CD68: variants seen among roughly 807,000 people sequenced by gnomAD.
CD68 encodes CD68 molecule.
In CD68, 24 loss-of-function variants were observed where a neutral mutation model predicts 31.3. That is an observed-to-expected ratio of 0.77 (90% confidence interval 0.55 to 1.08). The LOEUF is 1.08. CD68 is among the 50% of genes least tolerant of loss of function. The pLI is 0.00. For synonymous variants in CD68, 190 were observed against 179.6 expected (o/e 1.06, Z -0.46); for missense variants, 461 against 442.5 (o/e 1.04, Z -0.38).
At position 7,580,082 on chromosome 17, in the gene CD68, A is replaced by C; in HGVS notation, c.322A>C (p.Thr108Pro). The C allele has an allele frequency of 6.2e-7, 1 of 1,613,856 alleles. No homozygotes were observed. The highest frequency in any genetic ancestry group is 8.5e-7 in the Non-Finnish European group (1 of 1,179,918). ...TATSQGPSTATHSPATTSHGN... is the reference protein window; with the variant it reads ...TATSQGPSTAPHSPATTSHGN... ...CACCAGCCAGGGACCCTCAACTGCC[A>C]CTCACAGTCCTGCCACCACTAGTCA... Residue 108 changes from threonine to proline, a missense_variant, in exon 2 of 6, where the codon ACT becomes CCT. By Grantham distance (38) the Thr-to-Pro change is conservative (BLOSUM62 -1). Transcript: ENST00000250092. The surrounding 1 kb of genome is among the most constrained non-coding windows in gnomAD (Gnocchi z 4.3).
chr17:7,581,562 G>GC lies in CD68; in HGVS notation c.*51_*52insC, dbSNP rs750900821. 6.3e-7 allele frequency: 1 copy of GC among 1,590,946 alleles called. No individual in the cohort carries two copies. Among genetic ancestry groups the GC allele is most frequent in the South Asian group, 1.1e-5 (1 of 90,612 alleles). ...TGAGGGGGTTGGGGTGTGGTGGGGG[G>GC]GTACCCTTATTTCCTCGACACGCAA... is the stretch of plus-strand genomic sequence containing the variant. On this transcript the variant is annotated 3_prime_UTR_variant, in exon 6 of 6. Coordinates refer to ENST00000250092, the MANE Select transcript of CD68 (RefSeq NM_001251.3).
chr17:7,581,216 C>G (rs2071480653), intron 5 of CD68, 150 bp downstream of exon 5: 1 of 1,145,022 alleles, frequency 8.7e-7, no homozygotes, highest in African/African-American at 1.5e-5. Context: ...TCTTTCCATC[C>G]TCTACAAGAC....
In CD68 at chr17:7,580,114, T is replaced by C; in HGVS notation, c.354T>C (p.Asn118=). The C allele has an allele frequency of 3.1e-6, 5 of 1,613,988 alleles. No homozygotes were observed. The highest frequency in any genetic ancestry group is 4.2e-6 in the Non-Finnish European group (5 of 1,180,002). ...THSPATTSHG[N]ATVHPTSNST... is the part of the protein sequence containing the mutation. Reference sequence around the variant, plus strand: ...GTCCTGCCACCACTAGTCATGGAAATGCCACGGTTCATCCAACAAGCAACA... The same window carrying C: ...GTCCTGCCACCACTAGTCATGGAAACGCCACGGTTCATCCAACAAGCAACA... The change falls in exon 2 of 6, where the codon AAT becomes AAC. Residue 118 remains asparagine, a synonymous_variant. Transcript: ENST00000250092. The surrounding 1 kb of genome is among the most constrained non-coding windows in gnomAD (Gnocchi z 4.3).
rs758990817 is a variant in CD68, at chr17:7,581,495, C to A, written c.1049C>A (p.Ala350Asp). The change falls in exon 6 of 6, where the codon GCC (alanine) becomes GAC (aspartate). Residue 350 changes from alanine to aspartate, a missense_variant. Coordinates refer to ENST00000250092, the MANE Select transcript of CD68 (RefSeq NM_001251.3). ...TGCATCATCCGGAGACGCCCATCCGCCTACCAGGCCCTCTGAGCATTTGCT... is the reference window on the plus strand; with the variant it reads ...TGCATCATCCGGAGACGCCCATCCGACTACCAGGCCCTCTGAGCATTTGCT... ...AFCIIRRRPS[A>D]YQAL The A allele has an allele frequency of 6.2e-7, 1 of 1,614,186 alleles. No individual in the cohort carries two copies. The highest frequency in any genetic ancestry group is 2.2e-5 in the East Asian group (1 of 44,876).
In CD68 at chr17:7,581,602, A is replaced by G; in HGVS notation, c.*91A>G. The G allele has an allele frequency of 1.5e-6, 2 of 1,360,570 alleles. No individual in the cohort carries two copies. Among genetic ancestry groups the G allele is most frequent in the Middle Eastern group, 1.8e-4 (1 of 5,446 alleles). 84.3% of individuals were successfully genotyped at this position (1,360,570 alleles called of 1,614,324 possible). A position where few individuals can be genotyped will look rare whatever the true frequency, so the allele number is the denominator to read the frequency against. ...TCGACACGCAACTGGCTCAAAGACA[A>G]TGTTATTTTCCTTCCCTTTCTTGAA... is the stretch of plus-strand genomic sequence containing the variant. On this transcript the variant is annotated 3_prime_UTR_variant, in exon 6 of 6. Coordinates refer to ENST00000250092, the MANE Select transcript of CD68 (RefSeq NM_001251.3).
At position 7,581,611 on chromosome 17, in the gene CD68, T is replaced by C. The variant is rs1300787312; in HGVS notation, c.*100T>C. 7.7e-7 allele frequency: 1 copy of C among 1,291,904 alleles called. No individual in the cohort carries two copies. Among genetic ancestry groups the C allele is most frequent in the Non-Finnish European group, 1.1e-6 (1 of 915,364 alleles). 80.0% of individuals were successfully genotyped at this position (1,291,904 alleles called of 1,614,324 possible). A position where few individuals can be genotyped will look rare whatever the true frequency, so the allele number is the denominator to read the frequency against. On this transcript the variant is annotated 3_prime_UTR_variant, in exon 6 of 6. Transcript: ENST00000250092. ...AACTGGCTCAAAGACAATGTTATTT[T>C]CCTTCCCTTTCTTGAAGAACAAAAA...
chr17:7,580,699 T>G lies in CD68; in HGVS notation c.688-12T>G, dbSNP rs202081253. The G allele has an allele frequency of 7.8e-5, 126 of 1,614,010 alleles. No individual in the cohort carries two copies. The highest frequency in any genetic ancestry group is 4.9e-4 in the Middle Eastern group (3 of 6,062). On this transcript the variant is annotated splice_polypyrimidine_tract_variant and intron_variant, in intron 3 of 5. Coordinates refer to ENST00000250092, the MANE Select transcript of CD68 (RefSeq NM_001251.3). The surrounding 1 kb of genome is among the most constrained non-coding windows in gnomAD (Gnocchi z 4.3). ...GAGGGATACCACCTGCGCCTTCCTC[T>G]TCGCCCCACAGGACCTCCAGCAGAA...
intron 5 of CD68, 44 bp from the exon 6 acceptor site, chr17:7,581,334 C>A (rs1308311945): frequency 6.2e-7 from 1 of 1,612,890 alleles, no homozygotes; most frequent in South Asian, 1.1e-5. Context: ...TTATCCCAAC[C>A]AGCACGTCAC....
At position 7,581,538 on chromosome 17, in the gene CD68, G is replaced by A. The variant is rs368188387; in HGVS notation, c.*27G>A. 8 of 1,612,686 alleles carry A rather than the reference G, an allele frequency of 5.0e-6. No homozygotes were observed. In the African/African-American group the frequency reaches 9.3e-5, roughly 19 times the overall value. Reference sequence around the variant, plus strand: ...CATTTGCTTCAAACCCCAGGGCACTGAGGGGGTTGGGGTGTGGTGGGGGGG... The same window carrying A: ...CATTTGCTTCAAACCCCAGGGCACTAAGGGGGTTGGGGTGTGGTGGGGGGG... On this transcript the variant is annotated 3_prime_UTR_variant, in exon 6 of 6. Transcript: ENST00000250092.
In CD68 at chr17:7,579,836, C is replaced by T. The variant is rs771826335; in HGVS notation, c.76C>T (p.His26Tyr). The T allele has an allele frequency of 1.2e-6, 2 of 1,613,838 alleles. No homozygotes were observed. The highest frequency in any genetic ancestry group is 3.3e-5 in the Admixed American group (2 of 59,994). ...CCAGGGGACAGGGAATGACTGTCCTCACAAAAAATCAGCTACTTTGCTGCC... is the reference window on the plus strand; with the variant it reads ...CCAGGGGACAGGGAATGACTGTCCTTACAAAAAATCAGCTACTTTGCTGCC... The part of the protein sequence containing the change: ...AAQGTGNDCP[H>Y]KKSATLLPSF... Residue 26 changes from histidine (H) to tyrosine (Y), a missense_variant, in exon 2 of 6, where the codon CAC becomes TAC. Transcript: ENST00000250092.
chr17:7,580,285 G>C lies in CD68; in HGVS notation c.525G>C (p.Gln175His). ...GSQPCVHLQA[Q>H]IQIRVMYTTQ... ...AGCCCTGTGTCCACCTCCAAGCCCA[G>C]ATTCAGATTCGAGTCATGTACACAA... is the stretch of plus-strand genomic sequence containing the variant. The change falls in exon 2 of 6, where the codon CAG becomes CAC. Residue 175 changes from glutamine (Q) to histidine (H), a missense_variant. Physicochemically the swap from Gln to His is conservative, Grantham distance 24. Coordinates refer to ENST00000250092, the MANE Select transcript of CD68 (RefSeq NM_001251.3). The surrounding 1 kb of genome is among the most constrained non-coding windows in gnomAD (Gnocchi z 4.3). 6.2e-7 allele frequency: 1 copy of C among 1,613,990 alleles called. No individual in the cohort carries two copies. Among genetic ancestry groups the C allele is most frequent in the Non-Finnish European group, 8.5e-7 (1 of 1,179,970 alleles).
In CD68 at chr17:7,579,669, G is replaced by A. The variant is rs762537634; in HGVS notation, c.-9G>A. 21 of 1,602,010 alleles carry A rather than the reference G, an allele frequency of 1.3e-5. 1 individual carries two copies. The highest frequency in any genetic ancestry group is 2.0e-4 in the Middle Eastern group (1 of 5,042). On this transcript the variant is annotated 5_prime_UTR_variant, in exon 1 of 6. Transcript: ENST00000250092. ...AGCCTAGCTGGACTTTGGGTGAGGC[G>A]GTTCAGCCATGAGGCTGGCTGTGCT...
At position 7,579,882 on chromosome 17, in the gene CD68, C is replaced by T. The variant is rs147152347; in HGVS notation, c.122C>T (p.Thr41Met). ...CTGCCATCCTTCACGGTGACACCCA[C>T]GGTTACAGAGAGCACTGGAACAACC... ...TLLPSFTVTP[T>M]VTESTGTTSH... Residue 41 changes from threonine to methionine, a missense_variant, in exon 2 of 6, where the codon ACG (threonine) becomes ATG (methionine). By Grantham distance (81) the Thr-to-Met change is moderately conservative. Coordinates refer to ENST00000250092, the MANE Select transcript of CD68 (RefSeq NM_001251.3). 2,129 of 1,614,048 alleles carry T rather than the reference C, an allele frequency of 1.3e-3. 20 individuals are homozygous for T. The African/African-American group carries it at 0.023, about 17-fold the overall frequency.
intron 5 of CD68, 138 bp downstream of exon 5, chr17:7,581,204 T>C (rs2071480518): frequency 4.3e-6 from 5 of 1,160,876 alleles, no homozygotes; most frequent in Middle Eastern, 2.0e-4. Context: ...ACAGGGCAGC[T>C]TTCTTTCCAT....
intron 5 of CD68, 99 bp downstream of exon 5, chr17:7,581,165 A>C: frequency 3.2e-6 from 4 of 1,240,626 alleles, no homozygotes; most frequent in Non-Finnish European, 4.6e-6. Context: ...TTAACCCCCC[A>C]AATCTCGCTC....
At chr17:7,581,304 C>G in intron 5 of CD68, 74 bp from the exon 6 acceptor site, 1 of 1,577,118 alleles carries the variant, frequency 6.3e-7, no homozygotes, top group South Asian at 1.1e-5. Context: ...CCAGCATCCC[C>G]CCATTCCCTC....
chr17:7,581,303 C>T, intron 5 of CD68, 75 bp from the exon 6 acceptor site: 1 of 1,573,752 alleles, frequency 6.4e-7, no homozygotes, highest in East Asian at 2.2e-5. Flanking sequence ...CCCAGCATCC[C>T]CCCATTCCCT....
rs543602873 is a variant in CD68, at chr17:7,579,692, G to A, written c.15G>A (p.Val5=). 1 of 1,604,202 alleles carries A rather than the reference G, an allele frequency of 6.2e-7. No individual in the cohort carries two copies. The highest frequency in any genetic ancestry group is 8.5e-7 in the Non-Finnish European group (1 of 1,176,248). The change falls in exon 1 of 6, where the codon GTG becomes GTA. Residue 5 remains valine, a synonymous_variant. Transcript: ENST00000250092. ...GCGGTTCAGCCATGAGGCTGGCTGTGCTTTTCTCGGGGGCCCTGCTGGGGC... is the reference window on the plus strand; with the variant it reads ...GCGGTTCAGCCATGAGGCTGGCTGTACTTTTCTCGGGGGCCCTGCTGGGGC... MRLA[V]LFSGALLGLL...
In CD68 at chr17:7,581,556, T is replaced by TGGGGGG. The variant is rs34688956; in HGVS notation, c.*47_*52dup. On this transcript the variant is annotated 3_prime_UTR_variant, in exon 6 of 6. Coordinates refer to ENST00000250092, the MANE Select transcript of CD68 (RefSeq NM_001251.3). Reference sequence around the variant, plus strand: ...GGGCACTGAGGGGGTTGGGGTGTGGTGGGGGGGTACCCTTATTTCCTCGAC... The same window carrying TGGGGGG: ...GGGCACTGAGGGGGTTGGGGTGTGGTGGGGGGGGGGGGGTACCCTTATTTCCTCGAC... 4 of 1,590,212 alleles carry TGGGGGG rather than the reference T, an allele frequency of 2.5e-6. No individual in the cohort carries two copies. In the African/African-American group the frequency reaches 5.4e-5, roughly 21 times the overall value.
Sources: gnomAD v4.1 joint callset for allele counts on GRCh38, gnomAD v4.1.1 for gene constraint, Gnocchi (gnomAD v3.1) non-coding constraint, MANE v1.5 for transcripts, NCBI Gene and HGNC (gene_info 2026-07-23, HGNC 2026-07-21) for gene names.